Variants in KSR2 observed in about 807,000 individuals in gnomAD.
The protein encoded by KSR2 is kinase suppressor of ras 2.
KSR2 carries 25 observed loss-of-function variants against 107.8 expected under a neutral mutation model. That is an observed-to-expected ratio of 0.23 (90% confidence interval 0.17 to 0.32). KSR2 has a LOEUF of 0.32. Ranked by LOEUF, KSR2 falls within the 10% of genes least tolerant of loss-of-function variation. The pLI is 1.00. For synonymous variants in KSR2, 480 were observed against 507.0 expected, an observed-to-expected ratio of 0.95 and a Z score of 0.71; for missense variants, 887 against 1,268.9, an observed-to-expected ratio of 0.70 and a Z score of 4.57.
intron 1 of KSR2, among the ~76,000 whole-genome samples, chr12:117,909,749 A>G (rs1593360996): frequency 2.6e-5 from 1 of 39,092 alleles, no homozygotes; most frequent in Non-Finnish European, 3.7e-5. Context: ...CTAAAAATAC[A>G]AAAAAAAAAA....
intron 14 of KSR2, among the ~76,000 whole-genome samples, chr12:117,503,658 C>A (rs1873512147): frequency 6.6e-6 from 1 of 152,138 alleles, no homozygotes; most frequent in Non-Finnish European, 1.5e-5. Flanking sequence ...AATAAATGTT[C>A]ACAGAGATTT....
chr12:117,723,598 TA>T (rs956435717), intron 4 of KSR2, among the ~76,000 whole-genome samples: 10 of 151,820 alleles, frequency 6.6e-5, no homozygotes, highest in African/African-American at 1.9e-4. Context: ...AAATCATCAT[TA>T]AAAAAAATAA....
At chr12:117,918,409 C>T (rs1166246199) in intron 1 of KSR2, among the ~76,000 whole-genome samples, 3 of 152,146 alleles carry the variant, frequency 2.0e-5, no homozygotes, top group East Asian at 3.9e-4. Context: ...CAACAAGTTT[C>T]GAACTTCCTT....
At chr12:117,494,288 T>G (rs56064940) in intron 14 of KSR2, among the ~76,000 whole-genome samples, 20,646 of 152,064 alleles carry the variant, frequency 0.14, 2,606 homozygotes, top group African/African-American at 0.34. Context: ...GTCTACTTCC[T>G]GCATTTACAC....
At chr12:117,711,284 G>C (rs947608544) in intron 4 of KSR2, among the ~76,000 whole-genome samples, 2 of 152,222 alleles carry the variant, frequency 1.3e-5, no homozygotes, top group African/African-American at 4.8e-5. Flanking sequence ...TGGGCTCTCT[G>C]AGTGGCTGAA....
At chr12:117,797,011 C>T (rs965174334) in intron 3 of KSR2, among the ~76,000 whole-genome samples, 1 of 152,312 alleles carries the variant, frequency 6.6e-6, no homozygotes. Context: ...ACAAAGCCAA[C>T]CCAGCCCCTG....
chr12:117,794,766 GCA>G (rs145502747), intron 3 of KSR2, among the ~76,000 whole-genome samples: 2 of 151,982 alleles, frequency 1.3e-5, no homozygotes, highest in African/African-American at 4.8e-5. Context: ...CACCCAACGT[GCA>G]CACACACACA....
In KSR2 at chr12:117,480,511, C is replaced by T. The variant is rs1197001985; in HGVS notation, c.2450+3905G>A. 5.9e-5 allele frequency among the ~76,000 whole-genome samples: 9 copies of T among 152,148 alleles called. No individual in the cohort carries two copies. In the East Asian group the frequency reaches 9.6e-4, roughly 16 times the overall value. The stretch of plus-strand genomic sequence containing the variant: ...CTAAAACGATACCTTTTCTTGACGA[C>T]GGCAGAACAGCTGGATGCTGGGGTC... On this transcript the variant is annotated intron_variant, in intron 16 of 19. Coordinates refer to ENST00000339824, the MANE Select transcript of KSR2 (RefSeq NM_173598.6).
intron 3 of KSR2, among the ~76,000 whole-genome samples, chr12:117,772,246 TCACA>T (rs1566006535): frequency 5.9e-5 from 1 of 17,058 alleles, no homozygotes; most frequent in African/African-American, 3.1e-4. Flanking sequence ...GCACAAACAC[TCACA>T]CATACACACC....
At chr12:117,934,846 G>A (rs1324316646) in intron 1 of KSR2, among the ~76,000 whole-genome samples, 1 of 151,948 alleles carries the variant, frequency 6.6e-6, no homozygotes, top group Non-Finnish European at 1.5e-5. Context: ...TTCTTTTTGA[G>A]ACAGAGTCTT....
At chr12:117,625,415 G>C (rs1442931263) in intron 5 of KSR2, among the ~76,000 whole-genome samples, 2 of 152,130 alleles carry the variant, frequency 1.3e-5, no homozygotes, top group African/African-American at 2.4e-5. Context: ...AGCATGAAGG[G>C]CTGTTGAATT....
At chr12:117,846,946 C>T (rs1418932903) in intron 3 of KSR2, among the ~76,000 whole-genome samples, 11 of 152,242 alleles carry the variant, frequency 7.2e-5, no homozygotes, top group Non-Finnish European at 5.9e-5. Context: ...GGGGGAGTTC[C>T]AACCGTGTTT....
chr12:117,807,856 G>A lies in KSR2; in HGVS notation c.473-46332C>T, dbSNP rs114530878. On this transcript the variant is annotated intron_variant, in intron 3 of 19. Transcript: ENST00000339824. Reference sequence around the variant, plus strand: ...ACAAGAATAACAACACCTGAAATCCGCTCTTTCAGTGTTTGCCTCAAAGTT... The same window carrying A: ...ACAAGAATAACAACACCTGAAATCCACTCTTTCAGTGTTTGCCTCAAAGTT... 3.6e-3 allele frequency among the ~76,000 whole-genome samples: 550 copies of A among 152,246 alleles called. 5 individuals carry two copies. Among genetic ancestry groups the A allele is most frequent in the African/African-American group, 0.012 (504 of 41,534 alleles).
chr12:117,551,141 T>C (rs1341145971), intron 9 of KSR2, among the ~76,000 whole-genome samples: 9 of 152,190 alleles, frequency 5.9e-5, no homozygotes, highest in Non-Finnish European at 1.0e-4. Context: ...ACAAGGGTTG[T>C]AGCTTGGTCC....
At chr12:117,775,383 T>C (rs1258330569) in intron 3 of KSR2, among the ~76,000 whole-genome samples, 1 of 152,254 alleles carries the variant, frequency 6.6e-6, no homozygotes, top group East Asian at 1.9e-4. Flanking sequence ...AATAAAACAT[T>C]CTTAGTAATG....
chr12:117,820,333 G>A (rs754937708), intron 3 of KSR2, among the ~76,000 whole-genome samples: 8 of 152,128 alleles, frequency 5.3e-5, no homozygotes, highest in African/African-American at 1.4e-4. Flanking sequence ...TCTGCCTAAC[G>A]CAGATGCTGA....
intron 18 of KSR2, 78 bp downstream of exon 18, chr12:117,471,113 C>A: frequency 6.4e-7 from 1 of 1,553,432 alleles, no homozygotes; most frequent in Non-Finnish European, 8.7e-7. Flanking sequence ...GTAACCTTAA[C>A]ACATAGTAAA....
At chr12:117,932,505 C>G (rs1031338712) in intron 1 of KSR2, among the ~76,000 whole-genome samples, 1 of 152,090 alleles carries the variant, frequency 6.6e-6, no homozygotes, top group Non-Finnish European at 1.5e-5. Context: ...CACTTGAGCC[C>G]AGGAGTTCAA....
chr12:117,636,976 T>A (rs1006491091), intron 5 of KSR2, among the ~76,000 whole-genome samples: 2 of 152,076 alleles, frequency 1.3e-5, no homozygotes, highest in Non-Finnish European at 2.9e-5. Flanking sequence ...GGTAATTTAA[T>A]AGGAAAAAAT....
Sources: allele counts gnomAD v4.1 joint callset (sites outside exome capture counted in the v4.1 genomes callset), GRCh38; gene constraint gnomAD v4.1.1; transcripts MANE v1.5; gene names NCBI Gene and HGNC (gene_info 2026-07-23, HGNC 2026-07-21).